The following ARID1B variants were observed in gnomAD, a reference collection of about 807,000 sequenced individuals.
ARID1B encodes the protein AT-rich interactive domain-containing protein 1B.
ARID1B carries 30 observed loss-of-function variants against 212.3 expected under a neutral mutation model. That is an observed-to-expected ratio of 0.14 (90% CI 0.11 to 0.19). The LOEUF (loss-of-function observed/expected upper bound fraction) is 0.19, where lower values mean the gene tolerates loss of function less well. Ranked by LOEUF, ARID1B falls within the 10% of genes least tolerant of loss-of-function variation. The probability of loss-of-function intolerance (pLI) is 1.00; values close to 1 mark genes in which losing one functional copy is unlikely to be tolerated. For missense variants in ARID1B, 2,891 were observed against 3,204.0 expected (o/e 0.90, Z 2.36); for synonymous variants, 1,402 against 1,301.7 (o/e 1.08, Z -1.66).
intron 4 of ARID1B, among the ~76,000 whole-genome samples, chr6:157,019,571 T>C (rs968022343): frequency 1.3e-5 from 2 of 152,336 alleles, no homozygotes; most frequent in East Asian, 1.9e-4. Context: ...AGTTCTGAAA[T>C]TGTAAAATTT....
At chr6:157,007,418 G>A (rs1381238662) in intron 4 of ARID1B, among the ~76,000 whole-genome samples, 2 of 152,018 alleles carry the variant, frequency 1.3e-5, no homozygotes, top group South Asian at 2.1e-4. Context: ...GCCAGACTAG[G>A]GTCAACGATT....
intron 4 of ARID1B, among the ~76,000 whole-genome samples, chr6:157,026,050 G>C (rs1583171663): frequency 6.6e-6 from 1 of 152,000 alleles, no homozygotes; most frequent in African/African-American, 2.4e-5. Flanking sequence ...TCAGCCTCCT[G>C]AGTAGCTGGG....
rs145751843 is a variant in ARID1B, at chr6:157,159,474, A to T, written c.3090-7566A>T. ...CAACTAAAGCTGGTTACCTGCATTGAAGCAAAAAGGAAGAGCTGAATCTTG... is the reference window on the plus strand; with the variant it reads ...CAACTAAAGCTGGTTACCTGCATTGTAGCAAAAAGGAAGAGCTGAATCTTG... On this transcript the variant is annotated intron_variant, in intron 8 of 19. Coordinates refer to ENST00000636930, the MANE Select transcript of ARID1B (RefSeq NM_001374828.1). Among the ~76,000 whole-genome samples the T allele has an allele frequency of 2.7e-3, 411 of 152,330 alleles. 2 individuals carry two copies. Among genetic ancestry groups the T allele is most frequent in the African/African-American group, 8.6e-3 (356 of 41,574 alleles).
chr6:157,046,552 C>CGCAT (rs575236342), intron 4 of ARID1B, among the ~76,000 whole-genome samples: 1 of 152,168 alleles, frequency 6.6e-6, no homozygotes, highest in Non-Finnish European at 1.5e-5. Context: ...GTCCTTAATG[C>CGCAT]TAACAGGCCT....
At chr6:156,877,551 A>G (rs1262263729) in intron 2 of ARID1B, among the ~76,000 whole-genome samples, 1 of 152,118 alleles carries the variant, frequency 6.6e-6, no homozygotes, top group Non-Finnish European at 1.5e-5. Context: ...TAGCTATTGA[A>G]TGTGTCCCCT....
chr6:156,871,123 C>T (rs1202965428), intron 2 of ARID1B, among the ~76,000 whole-genome samples: 1 of 152,172 alleles, frequency 6.6e-6, no homozygotes, highest in Non-Finnish European at 1.5e-5. Flanking sequence ...ACTAAGACTG[C>T]TGTCATCGTT....
intron 4 of ARID1B, among the ~76,000 whole-genome samples, chr6:157,004,155 C>A (rs1360591560): frequency 6.6e-6 from 1 of 152,122 alleles, no homozygotes; most frequent in Non-Finnish European, 1.5e-5. Context: ...TCCTCTCGTT[C>A]TCCCGAAACC....
At chr6:157,047,739 TTTGA>T (rs1269923175) in intron 4 of ARID1B, among the ~76,000 whole-genome samples, 1 of 152,200 alleles carries the variant, frequency 6.6e-6, no homozygotes, top group African/African-American at 2.4e-5. Flanking sequence ...TAATTTAGAG[TTTGA>T]TTGACTCCAT....
chr6:157,157,610 A>T (rs2128662801), intron 8 of ARID1B, among the ~76,000 whole-genome samples: 1 of 152,338 alleles, frequency 6.6e-6, no homozygotes, highest in Middle Eastern at 3.4e-3. Context: ...GTCGTGGGTC[A>T]CAGGGCATCT....
intron 15 of ARID1B, chr6:157,194,007 C>T (rs1793558024): frequency 6.6e-6 from 1 of 152,230 alleles, no homozygotes; most frequent in African/African-American, 2.4e-5. Flanking sequence ...CATTGTCCAT[C>T]ATTTTAACAT....
At chr6:157,183,642 G>C (rs139879376) in intron 12 of ARID1B, among the ~76,000 whole-genome samples, 1 of 152,218 alleles carries the variant, frequency 6.6e-6, no homozygotes, top group East Asian at 1.9e-4. Context: ...GCCTCCTTGA[G>C]TAAGAGCACC....
intron 6 of ARID1B, among the ~76,000 whole-genome samples, chr6:157,111,526 T>C (rs4869907): frequency 0.71 from 107,357 of 152,074 alleles, 38,612 homozygotes; most frequent in East Asian, 0.91. Context: ...CAGAAGTTCC[T>C]ACCTTGGCAG....
intron 3 of ARID1B, among the ~76,000 whole-genome samples, chr6:156,925,644 G>A (rs191848928): frequency 6.6e-6 from 1 of 152,218 alleles, no homozygotes; most frequent in African/African-American, 2.4e-5. Flanking sequence ...AAGGAATATG[G>A]CTTTAAGCTT....
At chr6:157,163,895 G>A (rs566678783) in intron 8 of ARID1B, among the ~76,000 whole-genome samples, 5 of 152,328 alleles carry the variant, frequency 3.3e-5, no homozygotes, top group East Asian at 1.9e-4. Flanking sequence ...GTAGTATACC[G>A]CACTGATAGT....
rs1215074514 is a variant in ARID1B, at chr6:156,985,017, CTGAGAG to C, written c.2247+49443_2247+49448del. ...CCAGTACTTTATTTTCATACAGAGA[CTGAGAG>C]TAAGACTTCATTTCCAAATAAAAGT... On this transcript the variant is annotated intron_variant, in intron 4 of 19. Transcript: ENST00000636930. 2.6e-5 allele frequency: 4 copies of C among 152,242 alleles called. 1 individual carries two copies. Among genetic ancestry groups the C allele is most frequent in the African/African-American group, 9.6e-5 (4 of 41,556 alleles). 9.4% of individuals were successfully genotyped at this position (152,242 alleles called of 1,614,324 possible). A position where few individuals can be genotyped will look rare whatever the true frequency, so the allele number is the denominator to read the frequency against.
At chr6:157,058,398 G>A (rs889860661) in intron 4 of ARID1B, among the ~76,000 whole-genome samples, 15 of 151,744 alleles carry the variant, frequency 9.9e-5, no homozygotes, top group Admixed American at 1.3e-4. Context: ...CTGAGTGGCC[G>A]GGACCACAGG....
chr6:157,035,025 G>T (rs867437367), intron 4 of ARID1B, among the ~76,000 whole-genome samples: 17 of 152,128 alleles, frequency 1.1e-4, no homozygotes, highest in African/African-American at 4.1e-4. Context: ...CACCCACAAG[G>T]TCTGTCACTG....
intron 4 of ARID1B, chr6:156,938,848 A>G (rs1254746363): frequency 3.3e-5 from 5 of 152,212 alleles, no homozygotes; most frequent in African/African-American, 1.2e-4. Flanking sequence ...CTATATTTGC[A>G]TGCCATTAAA....
intron 2 of ARID1B, among the ~76,000 whole-genome samples, chr6:156,877,574 A>G (rs543140406): frequency 6.6e-6 from 1 of 152,170 alleles, no homozygotes; most frequent in South Asian, 2.1e-4. Context: ...TGAACTTGTG[A>G]CCCTCATGAG....
Sources: gnomAD v4.1 joint callset for allele counts (sites outside exome capture counted in the v4.1 genomes callset) on GRCh38, gnomAD v4.1.1 for gene constraint, MANE v1.5 for transcripts, NCBI Gene and HGNC (gene_info 2026-07-23, HGNC 2026-07-21) for gene names.